Variants in PCDH19 observed in about 807,000 individuals in gnomAD.
The protein encoded by PCDH19 is protocadherin 19.
PCDH19 carries 6 observed loss-of-function variants against 46.2 expected under a neutral mutation model. The observed-to-expected ratio is 0.13, with a 90% CI of 0.07 to 0.26. PCDH19 has a LOEUF of 0.26. Among genes scored for constraint, PCDH19 ranks in the 10% least tolerant of loss-of-function variants. PCDH19 has a pLI of 1.00. For missense variants in PCDH19, 740 were observed against 972.3 expected, an observed-to-expected ratio of 0.76 and a Z score of 3.18; for synonymous variants, 481 against 415.7, an observed-to-expected ratio of 1.16 and a Z score of -1.91.
chrX:100,363,183 A>T (rs1008178444), intron 3 of PCDH19, among the ~76,000 whole-genome samples: 2 of 109,908 alleles, frequency 1.8e-5, no homozygotes, highest in African/African-American at 6.7e-5. Context: ...GCATGCCTGT[A>T]ATCCCAGCTA....
At position 100,407,160 on chromosome X, in the gene PCDH19, G is replaced by T. The variant is rs201320371; in HGVS notation, c.1438C>A (p.Pro480Thr). ...AYLLSVSARD[P>T]DLGLNGSVSY... is the part of the protein sequence containing the mutation. The stretch of plus-strand genomic sequence containing the variant: ...ACACTGCCGTTGAGACCCAGGTCGG[G>T]GTCGCGAGCAGACACAGAGAGCAGA... Residue 480 changes from proline to threonine, a missense_variant, in exon 1 of 6, where the codon CCC (proline) becomes ACC (threonine). Around this residue, in one of 5 missense-constraint regions of PCDH19, gnomAD observed 186 missense variants for 319.9 expected, o/e 0.58. Coordinates refer to ENST00000373034, the MANE Select transcript of PCDH19 (RefSeq NM_001184880.2). The T allele has an allele frequency of 8.3e-7, 1 of 1,210,279 alleles. No homozygotes were observed. The highest frequency in any genetic ancestry group is 1.7e-5 in the African/African-American group (1 of 57,292).
At chrX:100,333,174 G>GAAGAGA (rs1167397761) in intron 5 of PCDH19, among the ~76,000 whole-genome samples, 10 of 28,945 alleles carry the variant, frequency 3.5e-4, no homozygotes, top group African/African-American at 1.3e-3. Flanking sequence ...AGGAAGGAAG[G>GAAGAGA]GAGAGAGAGA....
Position 100,376,069 on chromosome X carries a change from T to G in PCDH19, c.2617-25365A>C, listed in dbSNP as rs769527240. Among the ~76,000 whole-genome samples, 3 of 109,356 alleles carry G rather than the reference T, an allele frequency of 2.7e-5. No individual in the cohort carries two copies. The South Asian group carries it at 1.2e-3, about 44-fold the overall frequency. 95.0% of individuals were successfully genotyped at this position (109,356 alleles called of 115,157 possible). On this transcript the variant is annotated intron_variant, in intron 3 of 5. Coordinates refer to ENST00000373034, the MANE Select transcript of PCDH19 (RefSeq NM_001184880.2). Reference sequence around the variant, plus strand: ...CTGACCAACATGGGGAAACCCCGTCTCTACTAAATTACAAAATTAGCTGGG... The same window carrying G: ...CTGACCAACATGGGGAAACCCCGTCGCTACTAAATTACAAAATTAGCTGGG...
At chrX:100,313,990 T>C (rs1485575595) in intron 5 of PCDH19, among the ~76,000 whole-genome samples, 1 of 111,045 alleles carries the variant, frequency 9.0e-6, no homozygotes, top group Non-Finnish European at 1.9e-5. Context: ...CATTGGCGAA[T>C]GGTTTTATTC....
rs1259118247 is a variant in PCDH19 at position 100,389,182 on chromosome X, T to G, written c.2616+13342A>C. ...CGACAAAACATGTATGCTTCATACTTCCTTATTTTTCTTCGTATCACCATC... is the reference window on the plus strand; with the variant it reads ...CGACAAAACATGTATGCTTCATACTGCCTTATTTTTCTTCGTATCACCATC... On this transcript the variant is annotated intron_variant, in intron 3 of 5. Transcript: ENST00000373034. Among the ~76,000 whole-genome samples, 4 of 111,392 alleles carry G rather than the reference T, an allele frequency of 3.6e-5. No homozygotes were observed. In the Admixed American group the frequency reaches 3.8e-4, roughly 11 times the overall value.
In PCDH19 at chrX:100,366,718, T is replaced by A. The variant is rs190231104; in HGVS notation, c.2617-16014A>T. ...AAGCAATTTACAAACAATAAGTATGTTAATTGCACATCATTCTTATTTATT... is the reference window on the plus strand; with the variant it reads ...AAGCAATTTACAAACAATAAGTATGATAATTGCACATCATTCTTATTTATT... On this transcript the variant is annotated intron_variant, in intron 3 of 5. Coordinates refer to ENST00000373034, the MANE Select transcript of PCDH19 (RefSeq NM_001184880.2). 6.0e-3 allele frequency among the ~76,000 whole-genome samples: 679 copies of A among 112,763 alleles called. 3 individuals are homozygous for A. Among genetic ancestry groups the A allele is most frequent in the Non-Finnish European group, 0.01 (544 of 53,297 alleles).
intron 5 of PCDH19, among the ~76,000 whole-genome samples, chrX:100,299,930 A>G (rs980825871): frequency 8.9e-6 from 1 of 112,008 alleles, no homozygotes; most frequent in South Asian, 3.7e-4. Flanking sequence ...TCTGATACCT[A>G]TATTTTTTTT....
Position 100,300,910 on chromosome X carries a change from G to C in PCDH19, c.2849-4035C>G, listed in dbSNP as rs748176656. 5.8e-4 allele frequency among the ~76,000 whole-genome samples: 12 copies of C among 20,733 alleles called. No individual in the cohort carries two copies. In the East Asian group the frequency reaches 0.025, roughly 43 times the overall value. 18.0% of individuals were successfully genotyped at this position (20,733 alleles called of 115,157 possible). ...TTGGTGAGAGAATTCCAAAACCCCT[G>C]GCCAAAAAAAAAAAAAAAATTAAAG... On this transcript the variant is annotated intron_variant, in intron 5 of 5. Transcript: ENST00000373034.
intron 5 of PCDH19, among the ~76,000 whole-genome samples, chrX:100,307,158 C>G (rs895816516): frequency 1.8e-5 from 2 of 111,636 alleles, no homozygotes; most frequent in Admixed American, 9.5e-5. Flanking sequence ...CAACAAAATA[C>G]TAGCCGACCG....
chrX:100,296,709 A>G lies in PCDH19; in HGVS notation c.3015T>C (p.Tyr1005=). 1.7e-6 allele frequency: 2 copies of G among 1,211,473 alleles called. No homozygotes were observed. Among genetic ancestry groups the G allele is most frequent in the Non-Finnish European group, 2.2e-6 (2 of 895,496 alleles). The part of the protein sequence containing the change: ...IEATAADVEA[Y]DDCGPTKRTF... ...TCCGTTTGGTGGGGCCGCAGTCGTCATAAGCCTCGACATCAGCAGCAGTAG... is the reference window on the plus strand; with the variant it reads ...TCCGTTTGGTGGGGCCGCAGTCGTCGTAAGCCTCGACATCAGCAGCAGTAG... The change falls in exon 6 of 6, where the codon TAT becomes TAC. Residue 1005 remains tyrosine (Y), a synonymous_variant. Transcript: ENST00000373034.
rs1924509450 is a variant in PCDH19 at position 100,293,932 on chromosome X, T to C, written c.*2345A>G. The stretch of plus-strand genomic sequence containing the variant: ...TCAACAGCCACGTGACAATTAATGT[T>C]CCCACTTTCCACAATCTTTTCTGCT... On this transcript the variant is annotated 3_prime_UTR_variant, in exon 6 of 6. Coordinates refer to ENST00000373034, the MANE Select transcript of PCDH19 (RefSeq NM_001184880.2). The C allele has an allele frequency of 1.8e-5, 2 of 111,760 alleles. No individual in the cohort carries two copies. The highest frequency in any genetic ancestry group is 6.5e-5 in the African/African-American group (2 of 30,719). The allele number at this position is 111,760 out of a possible 1,213,427, so 9.2% of individuals were successfully genotyped here. A position where few individuals can be genotyped will look rare whatever the true frequency, so the allele number is the denominator to read the frequency against.
intron 3 of PCDH19, among the ~76,000 whole-genome samples, chrX:100,386,376 G>A (rs969390590): frequency 2.7e-5 from 3 of 111,622 alleles, no homozygotes; most frequent in African/African-American, 9.8e-5. Flanking sequence ...CTCACTGATT[G>A]GCAAGTGTAA....
chrX:100,305,147 G>T (rs1174392956), intron 5 of PCDH19, among the ~76,000 whole-genome samples: 1 of 112,098 alleles, frequency 8.9e-6, no homozygotes, highest in East Asian at 2.8e-4. Flanking sequence ...TCAAGACGAA[G>T]AAAAGAATCT....
At chrX:100,329,581 A>T (rs1166544453) in intron 5 of PCDH19, among the ~76,000 whole-genome samples, 1 of 112,025 alleles carries the variant, frequency 8.9e-6, no homozygotes, top group Non-Finnish European at 1.9e-5. Context: ...TACACGCAGC[A>T]TGTCTCCAGA....
intron 5 of PCDH19, among the ~76,000 whole-genome samples, chrX:100,324,880 C>A (rs577426686): frequency 1.4e-4 from 15 of 110,714 alleles, no homozygotes; most frequent in Middle Eastern, 4.6e-3. Flanking sequence ...TTACAACCAC[C>A]CCACAAGGCA....
chrX:100,342,086 G>A lies in PCDH19; in HGVS notation c.2676-11C>T. ...TTGAAGGTGGAGCTGCTGGGTTGAA[G>A]ACAGAATGATAATTTACGACCGTGA... is the stretch of plus-strand genomic sequence containing the variant. On this transcript the variant is annotated splice_polypyrimidine_tract_variant and intron_variant, in intron 4 of 5. Transcript: ENST00000373034. The A allele has an allele frequency of 1.7e-6, 2 of 1,199,114 alleles. No individual in the cohort carries two copies. The highest frequency in any genetic ancestry group is 2.3e-6 in the Non-Finnish European group (2 of 883,977).
chrX:100,387,616 T>C (rs1927751863), intron 3 of PCDH19, among the ~76,000 whole-genome samples: 1 of 111,961 alleles, frequency 8.9e-6, no homozygotes, highest in Admixed American at 9.5e-5. Context: ...TATGTATAAG[T>C]TGCAGTTAAA....
At chrX:100,370,466 G>A (rs1927186362) in intron 3 of PCDH19, among the ~76,000 whole-genome samples, 1 of 111,862 alleles carries the variant, frequency 8.9e-6, no homozygotes, top group Non-Finnish European at 1.9e-5. Flanking sequence ...CTAATCTTTT[G>A]TTCTTCTATG....
intron 3 of PCDH19, among the ~76,000 whole-genome samples, chrX:100,351,943 T>C (rs970626981): frequency 2.7e-5 from 3 of 111,592 alleles, no homozygotes; most frequent in Admixed American, 9.5e-5. Context: ...GTGCCTACAA[T>C]AGGTAGGAAG....
Sources: gnomAD v4.1 joint callset for allele counts (sites outside exome capture counted in the v4.1 genomes callset) on GRCh38, gnomAD v4.1.1 for gene constraint, gnomAD v4.1.1 regional missense constraint, MANE v1.5 for transcripts, NCBI Gene and HGNC (gene_info 2026-07-23, HGNC 2026-07-21) for gene names.